SLC36A1: variants seen among roughly 807,000 people sequenced by gnomAD.
SLC36A1 encodes the protein proton-coupled amino acid transporter 1.
Under a neutral mutation model 47.5 loss-of-function variants are expected in SLC36A1, and 30 were observed. The ratio of observed to expected loss-of-function variants is 0.63; its 90% CI spans 0.47 to 0.86. The LOEUF is 0.86. SLC36A1 is among the 40% of genes least tolerant of loss of function. SLC36A1 has a pLI of 0.00. For synonymous variants in SLC36A1, 255 were observed against 249.7 expected (o/e 1.02, Z -0.20); for missense variants, 517 against 606.0 (o/e 0.85, Z 1.54).
At chr5:151,418,998 A>G in the SLC36A1 span, among the ~76,000 whole-genome samples, 1 of 151,952 alleles carries the variant, frequency 6.6e-6, no homozygotes, top group Non-Finnish European at 1.5e-5. Flanking sequence ...TTCTCATGAG[A>G]TCTGATGGTT....
the SLC36A1 span, among the ~76,000 whole-genome samples, chr5:151,372,591 A>G: frequency 2.0e-5 from 3 of 152,052 alleles, no homozygotes; most frequent in South Asian, 6.2e-4. Flanking sequence ...CTTCAGGTGC[A>G]TGTCACCACG....
At chr5:151,534,560 G>T in the SLC36A1 span, 2 of 1,614,040 alleles carry the variant, frequency 1.2e-6, no homozygotes, top group South Asian at 2.2e-5. Context: ...GGCACGATCG[G>T]CCACCTCCAT....
the SLC36A1 span, among the ~76,000 whole-genome samples, chr5:151,425,115 G>T: frequency 1.3e-5 from 2 of 152,250 alleles, no homozygotes; most frequent in African/African-American, 4.8e-5. Flanking sequence ...GTGCAGCAGA[G>T]TCAACCTGTT....
At chr5:151,388,885 A>G in the SLC36A1 span, among the ~76,000 whole-genome samples, 1 of 152,158 alleles carries the variant, frequency 6.6e-6, no homozygotes, top group African/African-American at 2.4e-5. Context: ...TACCTGCTAG[A>G]AGGTAGGGGC....
chr5:151,480,225 A>G, intron 10 of SLC36A1: 1 of 484,852 alleles, frequency 2.1e-6, no homozygotes, highest in Non-Finnish European at 3.4e-6. Flanking sequence ...GAGATTTGCA[A>G]TTGTTTTCCA....
intron 9 of SLC36A1, among the ~76,000 whole-genome samples, chr5:151,478,392 TA>T (rs1226081124): frequency 1.3e-5 from 2 of 152,146 alleles, no homozygotes; most frequent in Non-Finnish European, 2.9e-5. Flanking sequence ...ACTGGAGTAA[TA>T]AAATAGGGAT....
At chr5:151,456,317 C>T (rs1401779580) in intron 1 of SLC36A1, among the ~76,000 whole-genome samples, 1 of 152,130 alleles carries the variant, frequency 6.6e-6, no homozygotes, top group African/African-American at 2.4e-5. Context: ...CTGCTGTTTG[C>T]ATAAATAATT....
the SLC36A1 span, chr5:151,510,242 A>C: frequency 6.4e-7 from 1 of 1,551,338 alleles, no homozygotes; most frequent in Non-Finnish European, 8.9e-7. Flanking sequence ...TGGCATTGGC[A>C]GACTGGTGTG....
the SLC36A1 span, among the ~76,000 whole-genome samples, chr5:151,538,986 T>G: frequency 6.6e-6 from 1 of 152,232 alleles, no homozygotes; most frequent in South Asian, 2.1e-4. Flanking sequence ...GTTTTATGTG[T>G]GGAGATGGTT....
At chr5:151,505,373 T>C in the SLC36A1 span, 2 of 665,558 alleles carry the variant, frequency 3.0e-6, no homozygotes, top group Non-Finnish European at 5.1e-6. Flanking sequence ...TCTGGAGCTC[T>C]ATCCTCAGCT....
chr5:151,520,422 TCA>T, the SLC36A1 span, among the ~76,000 whole-genome samples: 1 of 152,320 alleles, frequency 6.6e-6, no homozygotes, highest in South Asian at 2.1e-4. Context: ...ATCTCATATC[TCA>T]GTTCCAACTG....
chr5:151,465,338 GGT>G (rs1756190893), intron 5 of SLC36A1, among the ~76,000 whole-genome samples, 169 bp downstream of exon 5: 1 of 152,174 alleles, frequency 6.6e-6, no homozygotes, highest in East Asian at 1.9e-4. Flanking sequence ...CCTGGGGCTG[GGT>G]AACCCCTTTT....
At chr5:151,532,825 A>G in the SLC36A1 span, among the ~76,000 whole-genome samples, 1 of 152,312 alleles carries the variant, frequency 6.6e-6, no homozygotes, top group Non-Finnish European at 1.5e-5. Context: ...CCCTGAGCCT[A>G]AGGGTCTCAC....
In SLC36A1 at chr5:151,441,581, C is replaced by T. The variant is rs972138797; in HGVS notation, c.-6+4402C>T. 7.2e-5 allele frequency among the ~76,000 whole-genome samples: 11 copies of T among 152,080 alleles called. 1 individual carries two copies. In the South Asian group the frequency reaches 8.3e-4, roughly 11 times the overall value. On this transcript the variant is annotated intron_variant, in intron 1 of 8. Coordinates refer to the SLC36A1 transcript ENST00000429484. ...ATAAACCTGTATATTTCTATACATA[C>T]GTATATATTTCTGTAATTGTATAAT...
upstream of SLC36A1, among the ~76,000 whole-genome samples, chr5:151,435,229 A>G (rs1260378404): frequency 6.6e-6 from 1 of 152,244 alleles, no homozygotes; most frequent in African/African-American, 2.4e-5. Flanking sequence ...AAAGGAAAAG[A>G]AAAGATTTGC....
At chr5:151,467,337 A>T in intron 6 of SLC36A1, 54 bp downstream of exon 6, 1 of 1,202,008 alleles carries the variant, frequency 8.3e-7, no homozygotes, top group Non-Finnish European at 1.2e-6. Context: ...CGAGAATGGC[A>T]AAAGATGATT....
At chr5:151,454,297 C>T (rs1018700964) in intron 1 of SLC36A1, among the ~76,000 whole-genome samples, 8 of 151,892 alleles carry the variant, frequency 5.3e-5, no homozygotes, top group African/African-American at 1.7e-4. Context: ...TCCCATAGGG[C>T]GGGAACTGGC....
chr5:151,540,379 C>T, the SLC36A1 span, among the ~76,000 whole-genome samples: 1 of 151,506 alleles, frequency 6.6e-6, no homozygotes, highest in Non-Finnish European at 1.5e-5. Context: ...TCTCCTGCCC[C>T]TCAATCTCCC....
the SLC36A1 span, among the ~76,000 whole-genome samples, chr5:151,383,290 T>C: frequency 6.6e-6 from 1 of 152,170 alleles, no homozygotes; most frequent in Non-Finnish European, 1.5e-5. Context: ...CGACAGCAGA[T>C]CACTGTTTCC....
Sources: gnomAD v4.1 joint callset for allele counts (sites outside exome capture counted in the v4.1 genomes callset) on GRCh38, gnomAD v4.1.1 for gene constraint, MANE v1.5 for transcripts, NCBI Gene and HGNC (gene_info 2026-07-23, HGNC 2026-07-21) for gene names.